Variants in FBXW4 observed in about 807,000 individuals in gnomAD.
The protein encoded by FBXW4 is F-box and WD repeat domain containing 4.
FBXW4 carries 40 observed loss-of-function variants against 61.8 expected under a neutral mutation model. The observed-to-expected ratio is 0.65, with a 90% CI of 0.50 to 0.84. The LOEUF (loss-of-function observed/expected upper bound fraction) is 0.84, where lower values mean the gene tolerates loss of function less well. Among genes scored for constraint, FBXW4 ranks in the 40% least tolerant of loss-of-function variants. The pLI is 0.00. For synonymous variants in FBXW4, 311 were observed against 313.8 expected, an observed-to-expected ratio of 0.99 and a Z score of 0.10; for missense variants, 672 against 753.8, an observed-to-expected ratio of 0.89 and a Z score of 1.27.
chr10:101,684,157 T>G (rs2064507829), intron 1 of FBXW4, among the ~76,000 whole-genome samples: 1 of 152,034 alleles, frequency 6.6e-6, no homozygotes, highest in South Asian at 2.1e-4. Flanking sequence ...GGAGTCTTGC[T>G]CTGTTGCCCA....
chr10:101,667,755 A>G (rs2064319632), intron 5 of FBXW4, 131 bp downstream of exon 5: 1 of 760,612 alleles, frequency 1.3e-6, no homozygotes, highest in African/African-American at 1.7e-5. Context: ...CTGGAGGATT[A>G]AAAAATCTCC....
At chr10:101,647,251 C>G (rs2064107932) in intron 5 of FBXW4, among the ~76,000 whole-genome samples, 1 of 152,244 alleles carries the variant, frequency 6.6e-6, no homozygotes, top group Admixed American at 6.5e-5. Context: ...GAATGGATCT[C>G]TCACCCACAG....
chr10:101,629,725 T>C (rs1422889112), intron 5 of FBXW4, among the ~76,000 whole-genome samples: 1 of 151,782 alleles, frequency 6.6e-6, no homozygotes, highest in Non-Finnish European at 1.5e-5. Flanking sequence ...ATACCACCCC[T>C]CGCCCAGAAG....
At chr10:101,681,718 AAATAATAATAATAATAATAAT>A (rs60453783) in intron 1 of FBXW4, among the ~76,000 whole-genome samples, 3 of 143,418 alleles carry the variant, frequency 2.1e-5, no homozygotes, top group Non-Finnish European at 4.6e-5. Flanking sequence ...CTCCGTCTCA[AAATAATAATAATAATAATAAT>A]AATAATAATA....
chr10:101,694,671 A>AGCCTGACCCCCTCGTCCCTGT lies in FBXW4; in HGVS notation c.414_434dup (p.Gln139_Ala145dup). ...CCCCTGTCCCCGCGATGTCGGCCCAAGCCTGACCCCCTCGTCCCTGTGCTC... is the reference window on the plus strand; with the variant it reads ...CCCCTGTCCCCGCGATGTCGGCCCAAGCCTGACCCCCTCGTCCCTGTGCCTGACCCCCTCGTCCCTGTGCTC... On this transcript the variant is annotated inframe_insertion, in exon 1 of 9. Coordinates refer to ENST00000331272, the MANE Select transcript of FBXW4 (RefSeq NM_022039.4). The surrounding 1 kb of genome is among the most constrained non-coding windows in gnomAD (Gnocchi z 6.0). 7.1e-7 allele frequency: 1 copy of AGCCTGACCCCCTCGTCCCTGT among 1,399,678 alleles called. No homozygotes were observed. The highest frequency in any genetic ancestry group is 9.2e-7 in the Non-Finnish European group (1 of 1,087,054). The allele number at this position is 1,399,678 out of a possible 1,614,324, so 86.7% of individuals were successfully genotyped here. A position where few individuals can be genotyped will look rare whatever the true frequency, so the allele number is the denominator to read the frequency against.
intron 5 of FBXW4, among the ~76,000 whole-genome samples, chr10:101,654,433 G>T (rs1219852427): frequency 1.3e-5 from 2 of 151,826 alleles, no homozygotes; most frequent in African/African-American, 4.8e-5. Flanking sequence ...AGTAAATGTA[G>T]GTCTATATAT....
intron 5 of FBXW4, chr10:101,659,487 G>C: frequency 1.0e-6 from 1 of 954,338 alleles, no homozygotes; most frequent in Non-Finnish European, 1.2e-6. Flanking sequence ...AAGCTACCTA[G>C]AGACCAGCAG....
intron 3 of FBXW4, 108 bp downstream of exon 3, chr10:101,673,380 G>A: frequency 7.9e-7 from 1 of 1,265,550 alleles, no homozygotes; most frequent in East Asian, 2.3e-5. Flanking sequence ...AACCCTTCTG[G>A]TCTCCCTCCT....
Position 101,694,966 on chromosome 10 carries a change from G to A in FBXW4, c.140C>T (p.Ala47Val), listed in dbSNP as rs983220145. ...RKGKGKGKARAGQGGRGSGAE... is the reference protein window; with the variant it reads ...RKGKGKGKARVGQGGRGSGAE... Reference sequence around the variant, plus strand: ...CCCGCTTCCTCTTCCGCCTTGCCCCGCTCTCGCTTTTCCCTTCCCCTTCCC... The same window carrying A: ...CCCGCTTCCTCTTCCGCCTTGCCCCACTCTCGCTTTTCCCTTCCCCTTCCC... The change falls in exon 1 of 9, where the codon GCG (alanine) becomes GTG (valine). Residue 47 changes from alanine to valine, a missense_variant. Coordinates refer to ENST00000331272, the MANE Select transcript of FBXW4 (RefSeq NM_022039.4). This position sits in a 1 kb window ranked among gnomAD's most constrained non-coding sequence, Gnocchi z 6.0. 60 of 1,203,324 alleles carry A rather than the reference G, an allele frequency of 5.0e-5. No homozygotes were observed. Among genetic ancestry groups the A allele is most frequent in the Non-Finnish European group, 6.2e-5 (60 of 969,088 alleles). 74.5% of individuals were successfully genotyped at this position (1,203,324 alleles called of 1,614,324 possible).
chr10:101,694,661 T>C lies in FBXW4; in HGVS notation c.445A>G (p.Ile149Val), dbSNP rs981283734. Residue 149 changes from isoleucine (I) to valine (V), a missense_variant, in exon 1 of 9, where the codon ATC (isoleucine) becomes GTC (valine). Ile to Val is a conservative substitution (Grantham distance 29). Around this residue, in one of 5 missense-constraint regions of FBXW4, gnomAD observed 311 missense variants for 301.1 expected, o/e 1.03. Coordinates refer to ENST00000331272, the MANE Select transcript of FBXW4 (RefSeq NM_022039.4). This position sits in a 1 kb window ranked among gnomAD's most constrained non-coding sequence, Gnocchi z 6.0. ...GCCATGGCCACCCCTGTCCCCGCGA[T>C]GTCGGCCCAAGCCTGACCCCCTCGT... The part of the protein sequence containing the change: ...QGRGGQAWAD[I>V]AGTGVAMAAA... 7.1e-7 allele frequency: 1 copy of C among 1,409,832 alleles called. No homozygotes were observed. Among genetic ancestry groups the C allele is most frequent in the African/African-American group, 1.5e-5 (1 of 66,142 alleles). 87.3% of individuals were successfully genotyped at this position (1,409,832 alleles called of 1,614,324 possible). A position where few individuals can be genotyped will look rare whatever the true frequency, so the allele number is the denominator to read the frequency against.
At chr10:101,678,526 C>T (rs2064439867) in intron 1 of FBXW4, among the ~76,000 whole-genome samples, 1 of 152,218 alleles carries the variant, frequency 6.6e-6, no homozygotes, top group South Asian at 2.1e-4. Context: ...CTCGGGTTCA[C>T]ATCACTCTCC....
chr10:101,634,359 C>T (rs1019325955), intron 5 of FBXW4, among the ~76,000 whole-genome samples: 3 of 139,408 alleles, frequency 2.2e-5, no homozygotes, highest in African/African-American at 8.3e-5. Flanking sequence ...GTCAGTTCTC[C>T]CCCAATTAAT....
At chr10:101,627,629 C>T (rs541583398) in intron 5 of FBXW4, among the ~76,000 whole-genome samples, 1 of 152,184 alleles carries the variant, frequency 6.6e-6, no homozygotes, top group South Asian at 2.1e-4. Context: ...TGCGCACATG[C>T]AATCTCAGGG....
At chr10:101,667,584 G>C (rs2064317409) in intron 5 of FBXW4, among the ~76,000 whole-genome samples, 1 of 152,162 alleles carries the variant, frequency 6.6e-6, no homozygotes, top group African/African-American at 2.4e-5. Flanking sequence ...GAGGACAACT[G>C]TTCCAGAAGG....
chr10:101,641,729 C>T (rs571401974), intron 5 of FBXW4, among the ~76,000 whole-genome samples: 9 of 151,336 alleles, frequency 5.9e-5, no homozygotes, highest in East Asian at 5.8e-4. Flanking sequence ...ATCAGAAAGA[C>T]ATTTGAAGTT....
At position 101,694,915 on chromosome 10, in the gene FBXW4, G is replaced by T; in HGVS notation, c.191C>A (p.Thr64Lys). ...SGAEGKPGPQ[T>K]AKEAAGPGAD... ...CCCCGGCCCGGCTGCCTCCTTCGCCGTCTGCGGCCCGGGCTTCCCTTCCGC... is the reference window on the plus strand; with the variant it reads ...CCCCGGCCCGGCTGCCTCCTTCGCCTTCTGCGGCCCGGGCTTCCCTTCCGC... Residue 64 changes from threonine (T) to lysine (K), a missense_variant, in exon 1 of 9, where the codon ACG becomes AAG. Transcript: ENST00000331272. The surrounding 1 kb of genome is among the most constrained non-coding windows in gnomAD (Gnocchi z 6.0). 1 of 1,240,596 alleles carries T rather than the reference G, an allele frequency of 8.1e-7. No homozygotes were observed. Among genetic ancestry groups the T allele is most frequent in the East Asian group, 3.2e-5 (1 of 31,348 alleles). 76.8% of individuals were successfully genotyped at this position (1,240,596 alleles called of 1,614,324 possible).
chr10:101,638,573 A>G (rs1373637308), intron 5 of FBXW4, among the ~76,000 whole-genome samples: 2 of 152,160 alleles, frequency 1.3e-5, no homozygotes, highest in Non-Finnish European at 2.9e-5. Context: ...TATATTTTAA[A>G]TTGTTTGAAT....
chr10:101,613,360 G>A (rs986139642), intron 6 of FBXW4, among the ~76,000 whole-genome samples: 3 of 152,212 alleles, frequency 2.0e-5, no homozygotes, highest in African/African-American at 7.2e-5. Context: ...GTGCAAGTAT[G>A]GAGTTTCCAC....
rs545102207 is a variant in FBXW4 at position 101,664,688 on chromosome 10, A to C, written c.1235+3198T>G. Among the ~76,000 whole-genome samples the C allele has an allele frequency of 5.3e-5, 8 of 152,336 alleles. No individual in the cohort carries two copies. The East Asian group carries it at 9.6e-4, about 18-fold the overall frequency. On this transcript the variant is annotated intron_variant, in intron 5 of 8. Coordinates refer to ENST00000331272, the MANE Select transcript of FBXW4 (RefSeq NM_022039.4). ...AGGAAAAGGGTACAGACTTGACAGC[A>C]GTTGAAGCCACTAAGCAAATGCTAC...
Sources: gnomAD v4.1 joint callset for allele counts (sites outside exome capture counted in the v4.1 genomes callset) on GRCh38, gnomAD v4.1.1 for gene constraint, gnomAD v4.1.1 regional missense constraint, Gnocchi (gnomAD v3.1) non-coding constraint, MANE v1.5 for transcripts, NCBI Gene and HGNC (gene_info 2026-07-23, HGNC 2026-07-21) for gene names.